Variants in SYCP2 observed in about 807,000 individuals in gnomAD.
SYCP2 encodes the protein synaptonemal complex protein 2.
In SYCP2, 55 loss-of-function variants were observed where a neutral mutation model predicts 211.3. The ratio of observed to expected loss-of-function variants is 0.26; its 90% CI spans 0.21 to 0.33. SYCP2 has a LOEUF of 0.33. Ranked by LOEUF, SYCP2 falls within the 10% of genes least tolerant of loss-of-function variation. SYCP2 has a pLI of 1.00. For synonymous variants in SYCP2, 570 were observed against 555.2 expected (o/e 1.03, Z -0.37); for missense variants, 1,731 against 1,752.0 (o/e 0.99, Z 0.21).
chr20:59,932,267 A>C (rs1454246960), intron 1 of SYCP2, 113 bp from the exon 2 acceptor site: 1 of 152,262 alleles, frequency 6.6e-6, no homozygotes, highest in Non-Finnish European at 1.5e-5. Context: ...GAATGCAAGC[A>C]GCAGTAGATA....
At chr20:59,928,052 G>A (rs559957003) in intron 2 of SYCP2, among the ~76,000 whole-genome samples, 77 of 152,252 alleles carry the variant, frequency 5.1e-4, no homozygotes, top group African/African-American at 1.8e-3. Flanking sequence ...CTGGAGCTCA[G>A]TATTAGCAAA....
At chr20:59,920,236 T>TA (rs1373519066) in intron 5 of SYCP2, 123 bp downstream of exon 5, 13 of 849,972 alleles carry the variant, frequency 1.5e-5, no homozygotes, top group Non-Finnish European at 2.1e-5. Flanking sequence ...AGAAATGTTT[T>TA]ATTCCCAAAA....
rs1417599212 is a variant in SYCP2, at chr20:59,914,093, T to C, written c.777+16A>G. The C allele has an allele frequency of 1.3e-6, 2 of 1,584,598 alleles. No homozygotes were observed. The highest frequency in any genetic ancestry group is 1.7e-6 in the Non-Finnish European group (2 of 1,165,066). ...TTTAAAAATTCACGAATTTCTGTTA[T>C]TGTTATACAACTTACTGTTTCAAAT... is the stretch of plus-strand genomic sequence containing the variant. On this transcript the variant is annotated intron_variant, in intron 11 of 44. Coordinates refer to ENST00000357552, the MANE Select transcript of SYCP2 (RefSeq NM_014258.4).
intron 23 of SYCP2, 45 bp downstream of exon 23, chr20:59,892,523 G>T: frequency 6.4e-7 from 1 of 1,553,306 alleles, no homozygotes; most frequent in Non-Finnish European, 8.7e-7. Flanking sequence ...GACATTTGAG[G>T]AAATTAACAC....
chr20:59,882,823 A>G (rs2059712177), intron 26 of SYCP2, among the ~76,000 whole-genome samples: 1 of 152,062 alleles, frequency 6.6e-6, no homozygotes, highest in Non-Finnish European at 1.5e-5. Context: ...AAAAATATAT[A>G]TATTACCAGT....
intron 2 of SYCP2, among the ~76,000 whole-genome samples, chr20:59,923,529 T>C (rs2060578804): frequency 6.6e-6 from 1 of 151,586 alleles, no homozygotes; most frequent in Non-Finnish European, 1.5e-5. Flanking sequence ...CAAAACTCCA[T>C]GTCTACAAAA....
chr20:59,880,386 C>T lies in SYCP2; in HGVS notation c.2858G>A (p.Trp953Ter). 1 of 1,601,352 alleles carries T rather than the reference C, an allele frequency of 6.2e-7. No homozygotes were observed. Residue 953 changes from tryptophan (W) to a stop codon, truncating the protein, a stop_gained, in exon 31 of 45, where the codon TGG (tryptophan) becomes TAG (stop). Coordinates refer to ENST00000357552, the MANE Select transcript of SYCP2 (RefSeq NM_014258.4). LOFTEE classifies it high-confidence loss of function. ...RCDDSKTDIS[W>*]LREPKSKPQL... The stretch of plus-strand genomic sequence containing the variant: ...TGGTTTTGATTTCGGTTCTCTTAGC[C>T]AGCTAATATCAGTCTTGCTGTCATC...
intron 26 of SYCP2, among the ~76,000 whole-genome samples, chr20:59,884,280 A>T (rs964889353): frequency 6.6e-6 from 1 of 152,078 alleles, no homozygotes; most frequent in African/African-American, 2.4e-5. Context: ...TAAAAGAGTC[A>T]AAAAGCTATC....
At chr20:59,906,642 A>G (rs915542681) in intron 15 of SYCP2, among the ~76,000 whole-genome samples, 2 of 152,266 alleles carry the variant, frequency 1.3e-5, no homozygotes, top group East Asian at 3.9e-4. Flanking sequence ...GTCGACAAAA[A>G]TTTTTTGGGT....
At chr20:59,883,994 C>T (rs998604737) in intron 26 of SYCP2, among the ~76,000 whole-genome samples, 96 of 152,068 alleles carry the variant, frequency 6.3e-4, no homozygotes, top group African/African-American at 2.3e-3. Context: ...ACCTTAAATA[C>T]ATACAATAAA....
intron 3 of SYCP2, 33 bp from the exon 4 acceptor site, chr20:59,921,486 T>A (rs1381766400): frequency 2.7e-6 from 4 of 1,494,882 alleles, no homozygotes; most frequent in Non-Finnish European, 3.6e-6. Flanking sequence ...ACATACTGTA[T>A]CAAAACCAAA....
chr20:59,906,378 G>A (rs979258410), intron 15 of SYCP2, among the ~76,000 whole-genome samples: 2 of 151,978 alleles, frequency 1.3e-5, no homozygotes. Context: ...GAACAGATTG[G>A]AGGACCAAGA....
chr20:59,864,831 T>G (rs752710822), intron 44 of SYCP2, among the ~76,000 whole-genome samples: 3 of 152,020 alleles, frequency 2.0e-5, no homozygotes, highest in Non-Finnish European at 4.4e-5. Context: ...ATCAGTGTAC[T>G]TAAAAATGCC....
chr20:59,921,988 A>G (rs1013375571), intron 3 of SYCP2, among the ~76,000 whole-genome samples: 1 of 151,656 alleles, frequency 6.6e-6, no homozygotes, highest in African/African-American at 2.4e-5. Flanking sequence ...ACAAATGTTC[A>G]TACTACAACC....
intron 44 of SYCP2, among the ~76,000 whole-genome samples, chr20:59,865,029 A>G (rs2069110): frequency 0.021 from 3,258 of 152,130 alleles, 55 homozygotes; most frequent in Middle Eastern, 0.041. Flanking sequence ...TTCTTCCACT[A>G]AACTACAGAC....
intron 2 of SYCP2, among the ~76,000 whole-genome samples, chr20:59,930,181 T>G (rs534639743): frequency 1.2e-4 from 18 of 152,308 alleles, no homozygotes; most frequent in Admixed American, 1.2e-3. Flanking sequence ...CTGAACTTCC[T>G]TTGCCTATGC....
chr20:59,927,459 G>C (rs995594656), intron 2 of SYCP2, among the ~76,000 whole-genome samples: 1 of 152,072 alleles, frequency 6.6e-6, no homozygotes, highest in Admixed American at 6.6e-5. Flanking sequence ...CTCAGATATA[G>C]AGTGGCATTA....
chr20:59,908,293 A>G (rs1353116509), intron 14 of SYCP2, among the ~76,000 whole-genome samples: 1 of 152,050 alleles, frequency 6.6e-6, no homozygotes, highest in African/African-American at 2.4e-5. Flanking sequence ...AAAAAACTAA[A>G]TACTTTTGTT....
At chr20:59,901,850 T>C (rs745760539) in intron 15 of SYCP2, 40 bp from the exon 16 acceptor site, 1 of 1,460,790 alleles carries the variant, frequency 6.8e-7, no homozygotes. Context: ...GTTTCTATGA[T>C]ACTACTCTGC....
Sources: gnomAD v4.1 joint callset for allele counts (sites outside exome capture counted in the v4.1 genomes callset) on GRCh38, gnomAD v4.1.1 for gene constraint, MANE v1.5 for transcripts, NCBI Gene and HGNC (gene_info 2026-07-23, HGNC 2026-07-21) for gene names.